RGS7: variants seen among roughly 807,000 people sequenced by gnomAD.
RGS7 encodes regulator of G-protein signaling 7.
A neutral mutation model predicts 81.1 loss-of-function variants in RGS7; 27 were observed. The observed-to-expected ratio is 0.33, with a 90% confidence interval of 0.25 to 0.46. The LOEUF is 0.46. Ranked by LOEUF, RGS7 falls within the 20% of genes least tolerant of loss-of-function variation. The probability of loss-of-function intolerance (pLI) is 1.00; values close to 1 mark genes in which losing one functional copy is unlikely to be tolerated. For missense variants in RGS7, 396 were observed against 607.4 expected (o/e 0.65, Z 3.66); for synonymous variants, 208 against 207.7 (o/e 1.00, Z -0.01).
At chr1:241,134,630 A>G (rs2067359117) in intron 2 of RGS7, among the ~76,000 whole-genome samples, 1 of 152,202 alleles carries the variant, frequency 6.6e-6, no homozygotes, top group Non-Finnish European at 1.5e-5. Flanking sequence ...TGTTGTTTAT[A>G]AAAGGCCCAC....
rs528069556 is a variant in RGS7, at chr1:241,089,394, A to G, written c.175+9272T>C. Among the ~76,000 whole-genome samples, 10 of 151,954 alleles carry G rather than the reference A, an allele frequency of 6.6e-5. No homozygotes were observed. In the South Asian group the frequency reaches 1.9e-3, roughly 29 times the overall value. On this transcript the variant is annotated intron_variant, in intron 3 of 18. Coordinates refer to ENST00000440928, the MANE Select transcript of RGS7 (RefSeq NM_001364886.1). ...ATTCTGAGGTAAAGGCAATTGAGAAACAGAAAGTGCATGAAGGGCTCTCCA... is the reference window on the plus strand; with the variant it reads ...ATTCTGAGGTAAAGGCAATTGAGAAGCAGAAAGTGCATGAAGGGCTCTCCA...
chr1:240,824,494 C>G (rs1692427047), intron 10 of RGS7, among the ~76,000 whole-genome samples: 1 of 152,228 alleles, frequency 6.6e-6, no homozygotes, highest in African/African-American at 2.4e-5. Flanking sequence ...CTTCCAGGGG[C>G]AACTGGCTGG....
At chr1:240,805,798 T>A (rs1053758047) in intron 15 of RGS7, among the ~76,000 whole-genome samples, 7 of 152,190 alleles carry the variant, frequency 4.6e-5, no homozygotes, top group African/African-American at 1.4e-4. Flanking sequence ...TTTAAAAAAA[T>A]GTTTTAAAAA....
intron 4 of RGS7, among the ~76,000 whole-genome samples, chr1:240,943,579 T>C (rs935580186): frequency 3.9e-5 from 6 of 152,180 alleles, no homozygotes; most frequent in African/African-American, 1.4e-4. Context: ...TGTTAAACAC[T>C]TCCAATTCAA....
rs2068567977 is a variant in RGS7 at position 241,149,165 on chromosome 1, G to A, written c.79-50403C>T. Among the ~76,000 whole-genome samples the A allele has an allele frequency of 2.6e-5, 4 of 152,146 alleles. No individual in the cohort carries two copies. The South Asian group carries it at 8.3e-4, about 32-fold the overall frequency. On this transcript the variant is annotated intron_variant, in intron 2 of 18. Coordinates refer to ENST00000440928, the MANE Select transcript of RGS7 (RefSeq NM_001364886.1). ...TGAACTCTACAAGTAGAAAATGTGA[G>A]CATTTTCTCTTTTTTTTTGAGATGA...
intron 2 of RGS7, among the ~76,000 whole-genome samples, chr1:241,326,887 G>A (rs1359945881): frequency 6.7e-6 from 1 of 149,420 alleles, no homozygotes; most frequent in South Asian, 2.2e-4. Flanking sequence ...CCCAGCCTGG[G>A]TGACAGAGTG....
At chr1:241,209,590 C>A (rs2074124713) in intron 2 of RGS7, among the ~76,000 whole-genome samples, 1 of 152,102 alleles carries the variant, frequency 6.6e-6, no homozygotes, top group South Asian at 2.1e-4. Context: ...AATCCCAGCA[C>A]TTTGGGAGGC....
intron 2 of RGS7, among the ~76,000 whole-genome samples, chr1:241,263,566 T>C (rs2077445581): frequency 6.6e-6 from 1 of 152,186 alleles, no homozygotes; most frequent in Non-Finnish European, 1.5e-5. Flanking sequence ...AGCAGGCATT[T>C]ATTTACAGGG....
chr1:240,797,479 G>C (rs185715726), intron 18 of RGS7, among the ~76,000 whole-genome samples: 43 of 152,262 alleles, frequency 2.8e-4, no homozygotes, highest in African/African-American at 1.0e-3. Context: ...AGTATCCCAA[G>C]TAGCTGGGAT....
rs144183065 is a variant in RGS7, at chr1:241,116,773, G to GT, written c.79-18012dup. On this transcript the variant is annotated intron_variant, in intron 2 of 18. Transcript: ENST00000440928. ...TATCCATCATCTAAAACATTTGTCA[G>GT]TTTTTTTGTGTTGGAAATGTTCAGT... 7.9e-3 allele frequency among the ~76,000 whole-genome samples: 1,196 copies of GT among 152,044 alleles called. 24 individuals are homozygous for GT. Among genetic ancestry groups the GT allele is most frequent in the African/African-American group, 0.027 (1,108 of 41,452 alleles).
intron 3 of RGS7, among the ~76,000 whole-genome samples, chr1:241,014,726 T>C: frequency 6.6e-6 from 1 of 152,202 alleles, no homozygotes; most frequent in East Asian, 1.9e-4. Context: ...GGAAGTAAAA[T>C]ATTTCCATAA....
intron 2 of RGS7, among the ~76,000 whole-genome samples, chr1:241,327,045 AGG>A (rs1553320595): frequency 3.4e-4 from 11 of 32,236 alleles, no homozygotes; most frequent in East Asian, 3.0e-3. Context: ...GAAGGGAGGG[AGG>A]GGAAAGGAAG....
chr1:240,839,632 G>T (rs1558333912), intron 9 of RGS7, among the ~76,000 whole-genome samples: 1 of 152,262 alleles, frequency 6.6e-6, no homozygotes, highest in East Asian at 1.9e-4. Context: ...GTGCTCCGAG[G>T]GGTGGGGAGA....
At chr1:240,887,251 T>C (rs373384920) in intron 6 of RGS7, among the ~76,000 whole-genome samples, 1,949 of 137,050 alleles carry the variant, frequency 0.014, 55 homozygotes, top group African/African-American at 0.057. Flanking sequence ...TTTTTTGAGA[T>C]GGAGTCTTGC....
At chr1:241,191,323 TATTTA>T (rs985483901) in intron 2 of RGS7, among the ~76,000 whole-genome samples, 7 of 152,154 alleles carry the variant, frequency 4.6e-5, no homozygotes, top group African/African-American at 1.7e-4. Context: ...CATAAATGAG[TATTTA>T]ATTTTTTTAA....
rs1684648241 is a variant in RGS7, at chr1:240,979,675, CT to C, written c.226+3403del. ...ATTGGAGCATTCTCAACATATGTCACTTAGCAACAGCGTGTAGATGCAGAAA... is the reference window on the plus strand; with the variant it reads ...ATTGGAGCATTCTCAACATATGTCACTAGCAACAGCGTGTAGATGCAGAAA... On this transcript the variant is annotated intron_variant, in intron 4 of 18. Coordinates refer to ENST00000440928, the MANE Select transcript of RGS7 (RefSeq NM_001364886.1). Among the ~76,000 whole-genome samples, 3 of 152,240 alleles carry C rather than the reference CT, an allele frequency of 2.0e-5. No individual in the cohort carries two copies. In the South Asian group the frequency reaches 6.2e-4, roughly 32 times the overall value.
At chr1:241,189,887 G>A (rs998394735) in intron 2 of RGS7, among the ~76,000 whole-genome samples, 15 of 152,022 alleles carry the variant, frequency 9.9e-5, no homozygotes, top group South Asian at 4.2e-4. Context: ...AGGCCAAGGC[G>A]GGCGGATCAC....
intron 3 of RGS7, among the ~76,000 whole-genome samples, chr1:241,062,832 A>T (rs1572505814): frequency 6.6e-6 from 1 of 152,304 alleles, no homozygotes; most frequent in East Asian, 1.9e-4. Context: ...CACTATGAAC[A>T]CTAACGTGTT....
intron 3 of RGS7, among the ~76,000 whole-genome samples, chr1:241,073,510 A>G (rs1023720496): frequency 4.6e-5 from 7 of 152,354 alleles, no homozygotes; most frequent in African/African-American, 1.2e-4. Context: ...AAACATTTTC[A>G]GAGTATAGTA....
Sources: allele counts gnomAD v4.1 joint callset (sites outside exome capture counted in the v4.1 genomes callset), GRCh38; gene constraint gnomAD v4.1.1; transcripts MANE v1.5; gene names NCBI Gene and HGNC (gene_info 2026-07-23, HGNC 2026-07-21).